SLC14A2: variants seen among roughly 807,000 people sequenced by gnomAD.
SLC14A2 encodes the protein urea transporter 2.
Under a neutral mutation model 104.6 loss-of-function variants are expected in SLC14A2, and 91 were observed. The ratio of observed to expected loss-of-function variants is 0.87; its 90% confidence interval spans 0.73 to 1.04. SLC14A2 has a LOEUF of 1.04. SLC14A2 is among the 50% of genes least tolerant of loss of function. The pLI is 0.00. For synonymous variants in SLC14A2, 476 were observed against 466.4 expected, an observed-to-expected ratio of 1.02 and a Z score of -0.27; for missense variants, 1,189 against 1,156.0, an observed-to-expected ratio of 1.03 and a Z score of -0.41.
intron 1 of SLC14A2, among the ~76,000 whole-genome samples, chr18:45,283,071 C>A (rs902767989): frequency 2.0e-5 from 3 of 152,214 alleles, no homozygotes; most frequent in Non-Finnish European, 2.9e-5. Context: ...TCCGTGAGAA[C>A]GAATCATTAC....
chr18:45,570,609 T>C (rs965841641), intron 2 of SLC14A2, among the ~76,000 whole-genome samples: 3 of 152,222 alleles, frequency 2.0e-5, no homozygotes, highest in African/African-American at 7.2e-5. Context: ...ATACCTTCTA[T>C]CCTTTTACTT....
chr18:45,613,884 G>A (rs1443049126), upstream of SLC14A2, among the ~76,000 whole-genome samples: 1 of 152,232 alleles, frequency 6.6e-6, no homozygotes, highest in African/African-American at 2.4e-5. Context: ...CTGACGATGT[G>A]ATGGAAAGAA....
chr18:45,308,189 G>C (rs1363259908), intron 1 of SLC14A2, among the ~76,000 whole-genome samples: 5 of 152,156 alleles, frequency 3.3e-5, no homozygotes, highest in Non-Finnish European at 7.3e-5. Flanking sequence ...TTCAATATGA[G>C]ATTTGGAGGG....
At position 45,639,816 on chromosome 18, in the gene SLC14A2, T is replaced by G. The variant is rs2045489542; in HGVS notation, c.914T>G (p.Phe305Cys). The G allele has an allele frequency of 6.2e-7, 1 of 1,613,890 alleles. No homozygotes were observed. Among genetic ancestry groups the G allele is most frequent in the Non-Finnish European group, 8.5e-7 (1 of 1,180,022 alleles). Residue 305 changes from phenylalanine to cysteine, a missense_variant, in exon 7 of 20, where the codon TTC becomes TGC. Physicochemically the swap from Phe to Cys is radical, Grantham distance 205. Transcript: ENST00000255226. The part of the protein sequence containing the change: ...GCDNPWTGGV[F>C]LVALFISSPL... ...GACAATCCCTGGACAGGCGGCGTGT[T>G]CCTGGTGGCTCTGTTCATCTCCTCG...
At chr18:45,455,512 G>A (rs1354732074) in intron 1 of SLC14A2, among the ~76,000 whole-genome samples, 1 of 152,026 alleles carries the variant, frequency 6.6e-6, no homozygotes, top group Admixed American at 6.5e-5. Flanking sequence ...GGGGCTAGGG[G>A]AAGGACAGCA....
intron 1 of SLC14A2, among the ~76,000 whole-genome samples, chr18:45,258,611 CATA>C (rs1316437149): frequency 7.0e-6 from 1 of 143,170 alleles, no homozygotes. Flanking sequence ...TTCTTCCTGA[CATA>C]ATAAGTGCAA....
At chr18:45,398,176 A>C (rs1463668520) in intron 1 of SLC14A2, among the ~76,000 whole-genome samples, 1 of 152,224 alleles carries the variant, frequency 6.6e-6, no homozygotes, top group Non-Finnish European at 1.5e-5. Flanking sequence ...ACAGCTTAAG[A>C]TAAAAGAACC....
At chr18:45,657,498 A>AAAAAAG (rs1430801689) in intron 10 of SLC14A2, among the ~76,000 whole-genome samples, 1 of 147,232 alleles carries the variant, frequency 6.8e-6, no homozygotes, top group African/African-American at 2.5e-5. Context: ...GAAAAAAAAA[A>AAAAAAG]AAAAAGAAAG....
At chr18:45,460,608 A>G (rs1025776713) in intron 1 of SLC14A2, among the ~76,000 whole-genome samples, 1 of 152,224 alleles carries the variant, frequency 6.6e-6, no homozygotes, top group Non-Finnish European at 1.5e-5. Flanking sequence ...GTGCTAAATA[A>G]AGGAAATATC....
At chr18:45,659,522 T>C (rs1040512986) in intron 10 of SLC14A2, among the ~76,000 whole-genome samples, 1 of 152,212 alleles carries the variant, frequency 6.6e-6, no homozygotes, top group African/African-American at 2.4e-5. Flanking sequence ...CTTTCATTAA[T>C]TGAGTTCTTC....
chr18:45,247,712 T>C (rs2084381030), intron 1 of SLC14A2, among the ~76,000 whole-genome samples: 1 of 151,880 alleles, frequency 6.6e-6, no homozygotes, highest in African/African-American at 2.4e-5. Context: ...TTTTTTTTTT[T>C]TTTTTCATAT....
At chr18:45,267,610 C>G (rs948723053) in intron 1 of SLC14A2, among the ~76,000 whole-genome samples, 5 of 152,200 alleles carry the variant, frequency 3.3e-5, no homozygotes, top group Admixed American at 3.3e-4. Flanking sequence ...ATATCAAGAA[C>G]TACAAATGTT....
intron 1 of SLC14A2, among the ~76,000 whole-genome samples, chr18:45,333,754 G>A (rs2085312010): frequency 1.3e-5 from 2 of 152,172 alleles, no homozygotes; most frequent in Non-Finnish European, 2.9e-5. Flanking sequence ...TTAAGCTAAA[G>A]TTTGTGCTTA....
At chr18:45,402,687 C>T (rs1004150195) in intron 1 of SLC14A2, among the ~76,000 whole-genome samples, 17 of 152,196 alleles carry the variant, frequency 1.1e-4, no homozygotes, top group Non-Finnish European at 1.5e-5. Context: ...CACCCCAACC[C>T]CACCTGCCAT....
intron 1 of SLC14A2, among the ~76,000 whole-genome samples, chr18:45,318,393 G>A (rs936069648): frequency 6.6e-6 from 1 of 152,222 alleles, no homozygotes; most frequent in South Asian, 2.1e-4. Context: ...CTTCTGCTGA[G>A]AGGAAGGGCC....
At chr18:45,186,865 A>G in the SLC14A2 span, among the ~76,000 whole-genome samples, 36 of 152,268 alleles carry the variant, frequency 2.4e-4, no homozygotes, top group Admixed American at 2.0e-3. Flanking sequence ...CTTTCCATCC[A>G]GGGATTGTAC....
chr18:45,277,337 T>C (rs948899095), intron 1 of SLC14A2, among the ~76,000 whole-genome samples: 1 of 152,356 alleles, frequency 6.6e-6, no homozygotes, highest in African/African-American at 2.4e-5. Flanking sequence ...GCCACAACTT[T>C]ATAATGCATA....
chr18:45,634,361 A>G (rs2045387094), intron 5 of SLC14A2, among the ~76,000 whole-genome samples: 1 of 152,230 alleles, frequency 6.6e-6, no homozygotes, highest in Non-Finnish European at 1.5e-5. Context: ...AGACAGAAAT[A>G]AACTCATAAA....
intron 2 of SLC14A2, among the ~76,000 whole-genome samples, chr18:45,595,949 G>A (rs1025457220): frequency 1.2e-4 from 18 of 152,196 alleles, no homozygotes; most frequent in African/African-American, 4.3e-4. Context: ...GCAGAAATGA[G>A]GTCACAGGGC....
Sources: allele counts gnomAD v4.1 joint callset (sites outside exome capture counted in the v4.1 genomes callset), GRCh38; gene constraint gnomAD v4.1.1; transcripts MANE v1.5; gene names NCBI Gene and HGNC (gene_info 2026-07-23, HGNC 2026-07-21).